RORA: variants seen among roughly 807,000 people sequenced by gnomAD.
RORA encodes the protein nuclear receptor ROR-alpha.
In RORA, 7 loss-of-function variants were observed where a neutral mutation model predicts 69.5. The observed-to-expected ratio is 0.10, with a 90% CI of 0.06 to 0.19. RORA has a LOEUF of 0.19. RORA is among the 10% of genes least tolerant of loss of function. The pLI, the probability that RORA is intolerant of heterozygous loss-of-function variation, is 1.00. For missense variants in RORA, 457 were observed against 663.0 expected (o/e 0.69, Z 3.41); for synonymous variants, 261 against 240.8 (o/e 1.08, Z -0.78).
chr15:60,811,295 A>C (rs1193883247), intron 1 of RORA, among the ~76,000 whole-genome samples: 1 of 152,224 alleles, frequency 6.6e-6, no homozygotes, highest in Non-Finnish European at 1.5e-5. Context: ...TGGTGCCATC[A>C]GTTCTTAAAC....
At chr15:60,877,879 C>G (rs984713026) in intron 1 of RORA, among the ~76,000 whole-genome samples, 11 of 152,046 alleles carry the variant, frequency 7.2e-5, no homozygotes, top group African/African-American at 2.4e-4. Flanking sequence ...AATCATAGAT[C>G]AGTGGTGCTC....
chr15:61,219,581 T>TA (rs376772819), intron 1 of RORA, among the ~76,000 whole-genome samples: 100 of 147,916 alleles, frequency 6.8e-4, no homozygotes, highest in Middle Eastern at 3.5e-3. Context: ...TCTCAAAATT[T>TA]AAAAAAAAAA....
rs2073362266 is a variant in RORA, at chr15:60,854,714, G to C, written c.167-176028C>G. 2.6e-5 allele frequency among the ~76,000 whole-genome samples: 4 copies of C among 152,194 alleles called. No homozygotes were observed. In the South Asian group the frequency reaches 8.3e-4, roughly 31 times the overall value. ...ATCCCTAAAAGTCACTGGAATATTA[G>C]CATGTGATATTGGTCCCTCCAAGTG... is the stretch of plus-strand genomic sequence containing the variant. On this transcript the variant is annotated intron_variant, in intron 1 of 10. Coordinates refer to ENST00000335670, the MANE Select transcript of RORA (RefSeq NM_134261.3).
At chr15:61,076,749 T>G (rs928173217) in intron 1 of RORA, among the ~76,000 whole-genome samples, 3 of 152,188 alleles carry the variant, frequency 2.0e-5, no homozygotes, top group Non-Finnish European at 4.4e-5. Context: ...CCTAATGGCA[T>G]GTGAGTCCTT....
chr15:60,590,612 CA>C (rs1222707399), intron 2 of RORA, among the ~76,000 whole-genome samples: 3 of 150,880 alleles, frequency 2.0e-5, no homozygotes, highest in Non-Finnish European at 4.4e-5. Context: ...AATTTAAAGA[CA>C]AAAAATGCTT....
At chr15:60,736,013 A>C (rs1000991404) in intron 1 of RORA, among the ~76,000 whole-genome samples, 2 of 152,120 alleles carry the variant, frequency 1.3e-5, no homozygotes, top group Admixed American at 1.3e-4. Context: ...ACCTCTCCCA[A>C]TTATCTTGCT....
intron 1 of RORA, among the ~76,000 whole-genome samples, chr15:61,006,316 A>T (rs1669425503): frequency 6.6e-6 from 1 of 151,980 alleles, no homozygotes; most frequent in Admixed American, 6.6e-5. Context: ...TGATTTCTAC[A>T]GTGACCATGT....
Position 61,118,559 on chromosome 15 carries a change from A to T in RORA, c.166+110494T>A, listed in dbSNP as rs145292332. Among the ~76,000 whole-genome samples, 39 of 152,298 alleles carry T rather than the reference A, an allele frequency of 2.6e-4. No individual in the cohort carries two copies. In the East Asian group the frequency reaches 4.4e-3, roughly 17 times the overall value. ...AAAGGACTATATATCTCCATTTCACAGATCAGGTCATTTAGGCACGGGGCC... is the reference window on the plus strand; with the variant it reads ...AAAGGACTATATATCTCCATTTCACTGATCAGGTCATTTAGGCACGGGGCC... On this transcript the variant is annotated intron_variant, in intron 1 of 10. Transcript: ENST00000335670.
At chr15:61,076,789 G>A (rs1032676363) in intron 1 of RORA, among the ~76,000 whole-genome samples, 20 of 152,202 alleles carry the variant, frequency 1.3e-4, no homozygotes, top group Non-Finnish European at 8.8e-5. Context: ...CTGACAGCAG[G>A]CATGGCTGCA....
chr15:60,950,880 C>G (rs1382514535), intron 1 of RORA, among the ~76,000 whole-genome samples: 1 of 141,046 alleles, frequency 7.1e-6, no homozygotes, highest in Non-Finnish European at 1.5e-5. Flanking sequence ...GACAGATCAA[C>G]GAGACAGAAA....
chr15:60,828,761 C>T (rs1386393716), intron 1 of RORA, among the ~76,000 whole-genome samples: 1 of 152,212 alleles, frequency 6.6e-6, no homozygotes, highest in Non-Finnish European at 1.5e-5. Context: ...CCTTCTCTCT[C>T]TTCTTCCTGA....
chr15:60,710,192 T>G (rs947882362), intron 1 of RORA, among the ~76,000 whole-genome samples: 1 of 152,192 alleles, frequency 6.6e-6, no homozygotes, highest in African/African-American at 2.4e-5. Flanking sequence ...TTTCTCCTTA[T>G]GTTAAAAATT....
intron 1 of RORA, among the ~76,000 whole-genome samples, chr15:61,076,181 G>A (rs2078447055): frequency 6.6e-6 from 1 of 152,212 alleles, no homozygotes; most frequent in Admixed American, 6.5e-5. Context: ...GTGTGTTAAA[G>A]CAGAGGTCGC....
intron 2 of RORA, among the ~76,000 whole-genome samples, chr15:60,597,551 CATATATATATATAT>C (rs1203238304): frequency 4.0e-5 from 1 of 25,130 alleles, no homozygotes; most frequent in African/African-American, 1.4e-4. Context: ...ACACACACAA[CATATATATATATAT>C]ATATATATAC....
intron 1 of RORA, among the ~76,000 whole-genome samples, chr15:61,049,313 C>T (rs1897189712): frequency 1.3e-5 from 2 of 152,154 alleles, no homozygotes; most frequent in Admixed American, 1.3e-4. Context: ...TGATATCCCC[C>T]CGTCTAACAT....
At chr15:60,826,789 CTTT>C (rs71904757) in intron 1 of RORA, among the ~76,000 whole-genome samples, 823 of 99,290 alleles carry the variant, frequency 8.3e-3, no homozygotes, top group Non-Finnish European at 0.011. Context: ...CTCTCTCTCT[CTTT>C]TTTTTTTAAA....
chr15:60,581,856 T>G (rs1006651895), intron 2 of RORA, among the ~76,000 whole-genome samples: 1 of 152,200 alleles, frequency 6.6e-6, no homozygotes, highest in African/African-American at 2.4e-5. Flanking sequence ...CTTAGTTCTG[T>G]TTTTCTTTTT....
At chr15:60,946,609 G>C (rs1892885246) in intron 1 of RORA, among the ~76,000 whole-genome samples, 1 of 152,266 alleles carries the variant, frequency 6.6e-6, no homozygotes, top group South Asian at 2.1e-4. Context: ...GCGTGATCTC[G>C]GGTAGCTACA....
chr15:61,025,624 G>A (rs1895770646), intron 1 of RORA, among the ~76,000 whole-genome samples: 1 of 152,128 alleles, frequency 6.6e-6, no homozygotes, highest in Non-Finnish European at 1.5e-5. Flanking sequence ...AAAGCTCCCT[G>A]GGCTGATGAT....
Sources: gnomAD v4.1 joint callset for allele counts (sites outside exome capture counted in the v4.1 genomes callset) on GRCh38, gnomAD v4.1.1 for gene constraint, MANE v1.5 for transcripts, NCBI Gene and HGNC (gene_info 2026-07-23, HGNC 2026-07-21) for gene names.